TRIOBP: variants seen among roughly 807,000 people sequenced by gnomAD.
TRIOBP encodes TRIO and F-actin-binding protein.
A neutral mutation model predicts 238.8 loss-of-function variants in TRIOBP; 169 were observed. The observed-to-expected ratio is 0.71, with a 90% CI of 0.62 to 0.80. The LOEUF is 0.80. Ranked by LOEUF, TRIOBP falls within the 30% of genes least tolerant of loss-of-function variation. TRIOBP has a pLI of 0.00. For synonymous variants in TRIOBP, 1,150 were observed against 1,274.4 expected, an observed-to-expected ratio of 0.90 and a Z score of 2.08; for missense variants, 2,838 against 3,122.6, an observed-to-expected ratio of 0.91 and a Z score of 2.17.
rs150728555 is a variant in TRIOBP at position 37,734,252 on chromosome 22, G to A, written c.4063-147G>A. ...GGAGGAGCTGACCCCGGAGGGGTGG[G>A]GCAGAGACCCTGTGTACTTTTTGGC... On this transcript the variant is annotated intron_variant, in intron 8 of 23. Transcript: ENST00000644935. 4.4e-3 allele frequency: 3,305 copies of A among 755,376 alleles called. 14 individuals are homozygous for A. Among genetic ancestry groups the A allele is most frequent in the Non-Finnish European group, 6.4e-3 (2,763 of 434,880 alleles). The allele number at this position is 755,376 out of a possible 1,614,324, so 46.8% of individuals were successfully genotyped here.
chr22:37,770,915 C>G (rs181695196), intron 21 of TRIOBP, among the ~76,000 whole-genome samples: 24 of 152,162 alleles, frequency 1.6e-4, no homozygotes, highest in Admixed American at 3.3e-4. Context: ...ATCTCCTGAC[C>G]TCGTGATCCG....
rs11546530 is a variant in TRIOBP at position 37,773,499 on chromosome 22, T to C, written c.*3-284T>C. ...CCTCCCAAAATTCTGAGATTACAGG[T>C]GTGAGCCGCTGCACCTGGCCAAAGT... On this transcript the variant is annotated intron_variant, in intron 23 of 23. Coordinates refer to ENST00000644935, the MANE Select transcript of TRIOBP (RefSeq NM_001039141.3). Among the ~76,000 whole-genome samples the C allele has an allele frequency of 6.4e-3, 969 of 152,242 alleles. 15 individuals are homozygous for C. Among genetic ancestry groups the C allele is most frequent in the African/African-American group, 0.022 (917 of 41,526 alleles).
chr22:37,708,338 A>G (rs1923060400), intron 3 of TRIOBP, among the ~76,000 whole-genome samples: 1 of 151,802 alleles, frequency 6.6e-6, no homozygotes, highest in African/African-American at 2.4e-5. Context: ...ATCACCTGCC[A>G]TCAGGAGTTC....
chr22:37,741,114 GGAGA>G (rs1057389891), intron 11 of TRIOBP, 82 bp downstream of exon 11: 3 of 1,521,002 alleles, frequency 2.0e-6, no homozygotes, highest in South Asian at 1.2e-5. Context: ...GTTAAGCAAA[GGAGA>G]GAGAGTGGGG....
chr22:37,762,630 G>A (rs1330137820), intron 17 of TRIOBP, among the ~76,000 whole-genome samples: 3 of 152,200 alleles, frequency 2.0e-5, no homozygotes, highest in Non-Finnish European at 4.4e-5. Context: ...GGAGCAGGTG[G>A]GAGGGGAGAA....
At chr22:37,748,178 G>A (rs1222403896) in intron 11 of TRIOBP, among the ~76,000 whole-genome samples, 1 of 152,218 alleles carries the variant, frequency 6.6e-6, no homozygotes, top group Admixed American at 6.5e-5. Flanking sequence ...AAAGCTTTTA[G>A]AGCAGAGAGG....
intron 6 of TRIOBP, 125 bp from the exon 7 acceptor site, chr22:37,723,060 T>G: frequency 9.9e-6 from 9 of 910,680 alleles, no homozygotes; most frequent in Non-Finnish European, 1.3e-5. Context: ...GTACAGACAG[T>G]GAGACCTGTA....
intron 6 of TRIOBP, among the ~76,000 whole-genome samples, chr22:37,716,604 AT>A (rs1175525133): frequency 6.6e-6 from 1 of 151,578 alleles, no homozygotes; most frequent in Non-Finnish European, 1.5e-5. Context: ...TAATTTGTGT[AT>A]TTTTAGTAGA....
chr22:37,719,554 C>T lies in TRIOBP; in HGVS notation c.628+3620C>T, dbSNP rs140012207. On this transcript the variant is annotated intron_variant, in intron 6 of 23. Transcript: ENST00000644935. ...TCAGCAGACGTTTACTTACTGCCCA[C>T]AAGTCAATCATGGCTGAATAGATGA... Among the ~76,000 whole-genome samples, 46 of 152,224 alleles carry T rather than the reference C, an allele frequency of 3.0e-4. No individual in the cohort carries two copies. The East Asian group carries it at 7.7e-3, about 26-fold the overall frequency.
intron 3 of TRIOBP, among the ~76,000 whole-genome samples, chr22:37,705,008 G>C (rs1922859911): frequency 1.3e-5 from 2 of 152,146 alleles, no homozygotes; most frequent in Non-Finnish European, 2.9e-5. Context: ...AGGAGTTCAA[G>C]GTTGCAGTGA....
In TRIOBP at chr22:37,710,520, G is replaced by A. The variant is rs370038696; in HGVS notation, c.208G>A (p.Gly70Ser). ...GGACCCACTCAGCGCCTCAACCTCC[G>A]GCTGCCAGTCTGTGGTGGACCCAGG... Reference protein sequence around the residue: ...PEDPLSASTSGCQSVVDPGLR... With the variant: ...PEDPLSASTSSCQSVVDPGLR... Residue 70 changes from glycine to serine, a missense_variant, in exon 4 of 24, where the codon GGC becomes AGC. Transcript: ENST00000644935. 9.0e-5 allele frequency: 145 copies of A among 1,612,108 alleles called. No homozygotes were observed. The highest frequency in any genetic ancestry group is 7.4e-4 in the East Asian group (33 of 44,872).
chr22:37,748,106 G>A (rs918201361), intron 11 of TRIOBP, among the ~76,000 whole-genome samples: 3 of 152,218 alleles, frequency 2.0e-5, no homozygotes, highest in African/African-American at 7.2e-5. Context: ...AGAGCGTAGG[G>A]AAGGGGTCTG....
chr22:37,726,168 C>T lies in TRIOBP; in HGVS notation c.3612C>T (p.Asp1204=). The T allele has an allele frequency of 6.3e-7, 1 of 1,583,984 alleles. No individual in the cohort carries two copies. Among genetic ancestry groups the T allele is most frequent in the Non-Finnish European group, 8.6e-7 (1 of 1,164,538 alleles). The change falls in exon 7 of 24, where the codon GAC becomes GAT. Residue 1204 remains aspartate, a synonymous_variant. Coordinates refer to ENST00000644935, the MANE Select transcript of TRIOBP (RefSeq NM_001039141.3). ...TGGAGAGCCTGGCCCCCTCCACTGA[C>T]TCTCTGCATGGCTCCCCAGTGCTGA... ...TSMESLAPST[D]SLHGSPVLIP...
At chr22:37,755,490 A>T in intron 14 of TRIOBP, 60 bp from the exon 15 acceptor site, 1 of 1,448,528 alleles carries the variant, frequency 6.9e-7, no homozygotes, top group South Asian at 1.2e-5. Context: ...TGGGGTCCAT[A>T]GTGGGGAGGG....
chr22:37,752,573 C>T (rs922190994), intron 12 of TRIOBP, among the ~76,000 whole-genome samples: 3 of 152,190 alleles, frequency 2.0e-5, no homozygotes, highest in Admixed American at 6.5e-5. Context: ...GCCTGCATGC[C>T]GGAGAGGGCT....
chr22:37,746,884 C>A (rs1173772600), intron 11 of TRIOBP, among the ~76,000 whole-genome samples: 1 of 152,122 alleles, frequency 6.6e-6, no homozygotes, highest in Admixed American at 6.5e-5. Flanking sequence ...GGCAAGCCAG[C>A]CCTCCGTGTG....
chr22:37,750,675 G>T (rs1000656686), intron 11 of TRIOBP: 2 of 471,118 alleles, frequency 4.2e-6, no homozygotes, highest in Non-Finnish European at 8.8e-6. Context: ...CCAACCTACT[G>T]GGTCCCCCGA....
intron 4 of TRIOBP, among the ~76,000 whole-genome samples, chr22:37,712,381 G>A (rs1923296161): frequency 6.6e-6 from 1 of 151,864 alleles, no homozygotes; most frequent in South Asian, 2.1e-4. Flanking sequence ...ACCCAGGCTG[G>A]AGCGCAATGG....
chr22:37,735,142 G>T lies in TRIOBP; in HGVS notation c.4806G>T (p.Arg1602Ser). ...CCCGCAAGGACCCAGCTGGACACAG[G>T]GATGACCTGGCCAGGGCTTTAGGGC... ...RLPRKDPAGH[R>S]DDLARALGPE... The change falls in exon 9 of 24, where the codon AGG (arginine) becomes AGT (serine). Residue 1602 changes from arginine (R) to serine (S), a missense_variant. Around this residue, in one of 5 missense-constraint regions of TRIOBP, gnomAD observed 2,096 missense variants for 2,137.4 expected, o/e 0.98. Coordinates refer to ENST00000644935, the MANE Select transcript of TRIOBP (RefSeq NM_001039141.3). 1.2e-6 allele frequency: 2 copies of T among 1,610,478 alleles called. No individual in the cohort carries two copies. The highest frequency in any genetic ancestry group is 8.5e-7 in the Non-Finnish European group (1 of 1,177,860).
Sources: gnomAD v4.1 joint callset for allele counts (sites outside exome capture counted in the v4.1 genomes callset) on GRCh38, gnomAD v4.1.1 for gene constraint, gnomAD v4.1.1 regional missense constraint, MANE v1.5 for transcripts, NCBI Gene and HGNC (gene_info 2026-07-23, HGNC 2026-07-21) for gene names.